The following CFAP54 variants were observed in gnomAD, a reference collection of about 807,000 sequenced individuals.
CFAP54 encodes the protein cilia- and flagella-associated protein 54.
A neutral mutation model predicts 370.4 loss-of-function variants in CFAP54; 290 were observed. That is an observed-to-expected ratio of 0.78 (90% CI 0.71 to 0.86). The LOEUF (loss-of-function observed/expected upper bound fraction) is 0.86. CFAP54 is among the 40% of genes least tolerant of loss of function. CFAP54 has a pLI of 0.00. For missense variants in CFAP54, 3,399 were observed against 3,528.7 expected (o/e 0.96, Z 0.93); for synonymous variants, 1,206 against 1,236.5 (o/e 0.98, Z 0.52).
chr12:96,653,174 G>A (rs1183070426), intron 36 of CFAP54, among the ~76,000 whole-genome samples: 1 of 152,072 alleles, frequency 6.6e-6, no homozygotes, highest in Non-Finnish European at 1.5e-5. Flanking sequence ...AACTGTAATT[G>A]TAAGTACAGT....
intron 26 of CFAP54, among the ~76,000 whole-genome samples, chr12:96,610,284 A>G (rs1956342571): frequency 6.6e-6 from 1 of 152,270 alleles, no homozygotes; most frequent in African/African-American, 2.4e-5. Context: ...AAACAAAGCC[A>G]GAACCTTGTC....
chr12:96,826,803 T>C (rs1413273603), intron 65 of CFAP54, among the ~76,000 whole-genome samples: 1 of 113,594 alleles, frequency 8.8e-6, no homozygotes, highest in Non-Finnish European at 1.6e-5. Flanking sequence ...TATATAATTA[T>C]ATATTATACA....
At chr12:96,730,864 A>T (rs1957912817) in intron 50 of CFAP54, among the ~76,000 whole-genome samples, 1 of 152,208 alleles carries the variant, frequency 6.6e-6, no homozygotes, top group Non-Finnish European at 1.5e-5. Flanking sequence ...GACTAACCAC[A>T]TCTAAATCTA....
rs540446351 is a variant in CFAP54, at chr12:96,833,675, A to G, written c.9171+4587A>G. ...GTATTATATAAGGAGATTGCAAAGC[A>G]GTTTTTCTTGGCTGCTTGGGTTTGG... On this transcript the variant is annotated intron_variant, in intron 66 of 67. Transcript: ENST00000524981. 9.5e-4 allele frequency among the ~76,000 whole-genome samples: 145 copies of G among 152,244 alleles called. 1 individual carries two copies. The highest frequency in any genetic ancestry group is 1.6e-3 in the Non-Finnish European group (107 of 68,014).
chr12:96,717,609 C>G (rs972695416), intron 48 of CFAP54, among the ~76,000 whole-genome samples: 1 of 152,226 alleles, frequency 6.6e-6, no homozygotes, highest in Non-Finnish European at 1.5e-5. Context: ...TCTCACTTCT[C>G]CCCTGTTCAG....
intron 30 of CFAP54, among the ~76,000 whole-genome samples, chr12:96,627,864 G>A (rs185110789): frequency 2.0e-5 from 3 of 152,130 alleles, no homozygotes; most frequent in East Asian, 3.8e-4. Context: ...CAGTGTACAG[G>A]CAAATGTGGA....
At chr12:96,852,192 C>T (rs1197913910) in intron 66 of CFAP54, among the ~76,000 whole-genome samples, 1 of 152,064 alleles carries the variant, frequency 6.6e-6, no homozygotes, top group Admixed American at 6.5e-5. Flanking sequence ...GGGACTTAAA[C>T]TTCTACCTAT....
At chr12:96,842,969 T>C (rs1959238080) in intron 66 of CFAP54, among the ~76,000 whole-genome samples, 1 of 152,180 alleles carries the variant, frequency 6.6e-6, no homozygotes, top group Admixed American at 6.5e-5. Flanking sequence ...ATAAGAACAG[T>C]TTGCAGCTGC....
chr12:96,801,832 A>T (rs1207418579), intron 63 of CFAP54, among the ~76,000 whole-genome samples: 1 of 152,206 alleles, frequency 6.6e-6, no homozygotes, highest in Non-Finnish European at 1.5e-5. Context: ...CATTGCTGCT[A>T]CAAACGTTGT....
chr12:96,665,588 A>G (rs1488730384), intron 39 of CFAP54, among the ~76,000 whole-genome samples: 3 of 151,912 alleles, frequency 2.0e-5, no homozygotes, highest in Non-Finnish European at 4.4e-5. Flanking sequence ...TTTTTTTCCT[A>G]TTGCTTGTTT....
chr12:96,587,205 CTG>C (rs1418214494), intron 22 of CFAP54, among the ~76,000 whole-genome samples: 1 of 151,806 alleles, frequency 6.6e-6, no homozygotes, highest in African/African-American at 2.4e-5. Context: ...ATGTATGAAT[CTG>C]GAGTTTGGGG....
intron 66 of CFAP54, among the ~76,000 whole-genome samples, chr12:96,847,822 C>G (rs1959402292): frequency 6.6e-6 from 1 of 152,202 alleles, no homozygotes; most frequent in Admixed American, 6.5e-5. Flanking sequence ...TAAGCAAGAA[C>G]TGTCCTTTAT....
At position 96,503,934 on chromosome 12, in the gene CFAP54, T is replaced by G; in HGVS notation, c.472T>G (p.Phe158Val). 6.5e-7 allele frequency: 1 copy of G among 1,528,034 alleles called. No individual in the cohort carries two copies. The highest frequency in any genetic ancestry group is 8.7e-7 in the Non-Finnish European group (1 of 1,143,990). The allele number at this position is 1,528,034 out of a possible 1,614,324, so 94.7% of individuals were successfully genotyped here. Residue 158 changes from phenylalanine (F) to valine (V), a missense_variant, in exon 3 of 68, where the codon TTC becomes GTC. By Grantham distance (50) the Phe-to-Val change is conservative. This residue lies in a region of CFAP54 where 559 missense variants were observed against 576.7 expected (regional missense o/e 0.97). Coordinates refer to ENST00000524981, the MANE Select transcript of CFAP54 (RefSeq NM_001306084.2). ...LQCYGRYLQQ[F>V]NTNFDENKVD... ...ATGCTATGGAAGATATCTTCAGCAGTTCAATACCAATTTTGATGAGAATAA... is the reference window on the plus strand; with the variant it reads ...ATGCTATGGAAGATATCTTCAGCAGGTCAATACCAATTTTGATGAGAATAA...
At chr12:96,771,682 C>A (rs1188846291) in intron 60 of CFAP54, among the ~76,000 whole-genome samples, 2 of 150,842 alleles carry the variant, frequency 1.3e-5, no homozygotes, top group African/African-American at 4.9e-5. Context: ...CAAAAAACAA[C>A]AAAAAAAAAC....
intron 67 of CFAP54, among the ~76,000 whole-genome samples, chr12:96,862,330 G>A (rs538726868): frequency 6.6e-6 from 1 of 152,142 alleles, no homozygotes; most frequent in African/African-American, 2.4e-5. Context: ...AATACATATG[G>A]TTTATAGTCA....
At chr12:96,669,021 A>G (rs1208106893) in intron 39 of CFAP54, among the ~76,000 whole-genome samples, 6 of 152,222 alleles carry the variant, frequency 3.9e-5, no homozygotes, top group Non-Finnish European at 5.9e-5. Flanking sequence ...TTTAGGGTCC[A>G]TTAAAGGAGA....
At chr12:96,498,613 A>G (rs1009418643) in intron 1 of CFAP54, among the ~76,000 whole-genome samples, 1 of 152,232 alleles carries the variant, frequency 6.6e-6, no homozygotes, top group Non-Finnish European at 1.5e-5. Flanking sequence ...AGATGGCACC[A>G]CTGCACTCAA....
Position 96,513,058 on chromosome 12 carries a change from T to G in CFAP54, c.798+14T>G. ...CAGTCTTCCAAGGTATGAAATGTAC[T>G]GACAAAATATTTTCCCCTCTATTTC... is the stretch of plus-strand genomic sequence containing the variant. On this transcript the variant is annotated intron_variant, in intron 5 of 67. Coordinates refer to ENST00000524981, the MANE Select transcript of CFAP54 (RefSeq NM_001306084.2). 6.9e-7 allele frequency: 1 copy of G among 1,449,722 alleles called. No homozygotes were observed. Among genetic ancestry groups the G allele is most frequent in the Non-Finnish European group, 9.1e-7 (1 of 1,093,812 alleles). The allele number at this position is 1,449,722 out of a possible 1,614,324, so 89.8% of individuals were successfully genotyped here.
intron 33 of CFAP54, among the ~76,000 whole-genome samples, chr12:96,647,472 C>CCAA (rs543852951): frequency 2.5e-5 from 1 of 40,758 alleles, no homozygotes; most frequent in Non-Finnish European, 4.2e-5. Flanking sequence ...GACTCTGTCC[C>CCAA]AAAAAAAAAA....
Sources: allele counts gnomAD v4.1 joint callset (sites outside exome capture counted in the v4.1 genomes callset), GRCh38; gene constraint gnomAD v4.1.1; regional missense constraint gnomAD v4.1.1; transcripts MANE v1.5; gene names NCBI Gene and HGNC (gene_info 2026-07-23, HGNC 2026-07-21).